The following GRIA1 variants were observed in gnomAD, a reference collection of about 807,000 sequenced individuals.
The protein encoded by GRIA1 is glutamate ionotropic receptor AMPA type subunit 1, also known as glutamate receptor 1.
GRIA1 carries 31 observed loss-of-function variants against 99.2 expected under a neutral mutation model. The observed-to-expected ratio is 0.31, with a 90% CI of 0.23 to 0.42. The LOEUF is 0.42. Among genes scored for constraint, GRIA1 ranks in the 10% least tolerant of loss-of-function variants. The pLI, the probability that GRIA1 is intolerant of heterozygous loss-of-function variation, is 1.00. For synonymous variants in GRIA1, 438 were observed against 432.4 expected (o/e 1.01, Z -0.16); for missense variants, 782 against 1,157.5 (o/e 0.68, Z 4.71).
intron 2 of GRIA1, among the ~76,000 whole-genome samples, chr5:153,566,066 G>A (rs935557636): frequency 2.0e-5 from 3 of 151,950 alleles, no homozygotes; most frequent in Non-Finnish European, 2.9e-5. Context: ...TTTCCAAAGT[G>A]ATTGCACCAG....
chr5:153,737,251 G>A (rs1165520927), intron 11 of GRIA1, among the ~76,000 whole-genome samples: 11 of 135,436 alleles, frequency 8.1e-5, no homozygotes, highest in Non-Finnish European at 1.5e-4. Context: ...AACAATTAAG[G>A]ATACTCCATT....
chr5:153,704,818 A>G (rs1179728286), intron 10 of GRIA1, among the ~76,000 whole-genome samples: 4 of 152,154 alleles, frequency 2.6e-5, no homozygotes, highest in African/African-American at 7.2e-5. Flanking sequence ...AGAACTCTGT[A>G]TATCTTGGAT....
intron 2 of GRIA1, among the ~76,000 whole-genome samples, chr5:153,594,667 T>C (rs917858023): frequency 6.6e-6 from 1 of 152,130 alleles, no homozygotes; most frequent in Non-Finnish European, 1.5e-5. Flanking sequence ...TCTGCTCTTA[T>C]AAGTACCACA....
intron 7 of GRIA1, among the ~76,000 whole-genome samples, chr5:153,682,204 C>G (rs1353115461): frequency 6.6e-6 from 1 of 152,082 alleles, no homozygotes; most frequent in South Asian, 2.1e-4. Flanking sequence ...CCAGCAAGGA[C>G]CTAGTCTACA....
intron 1 of GRIA1, among the ~76,000 whole-genome samples, chr5:153,492,926 C>A (rs1351500081): frequency 2.0e-5 from 3 of 152,170 alleles, no homozygotes; most frequent in Non-Finnish European, 4.4e-5. Flanking sequence ...AAAACAGACA[C>A]CCACTCTACA....
At chr5:153,672,472 C>CA (rs1194014290) in intron 5 of GRIA1, among the ~76,000 whole-genome samples, 2 of 151,918 alleles carry the variant, frequency 1.3e-5, no homozygotes, top group Non-Finnish European at 2.9e-5. Flanking sequence ...AGCTGAGATC[C>CA]AAAAAATGGA....
At chr5:153,668,758 A>G (rs994988824) in intron 5 of GRIA1, among the ~76,000 whole-genome samples, 3 of 152,230 alleles carry the variant, frequency 2.0e-5, no homozygotes, top group East Asian at 3.8e-4. Context: ...GGTTAGTGTC[A>G]AGGAGAGGAA....
At chr5:153,539,907 C>G (rs994385894) in intron 2 of GRIA1, among the ~76,000 whole-genome samples, 1 of 152,190 alleles carries the variant, frequency 6.6e-6, no homozygotes, top group Non-Finnish European at 1.5e-5. Flanking sequence ...TGTAAGCTTG[C>G]GCTCAGCTAA....
At chr5:153,491,586 C>T (rs1753922408) in intron 1 of GRIA1, among the ~76,000 whole-genome samples, 1 of 152,070 alleles carries the variant, frequency 6.6e-6, no homozygotes, top group South Asian at 2.1e-4. Flanking sequence ...TGCCATGCTG[C>T]GCTGGTGGTC....
intron 2 of GRIA1, among the ~76,000 whole-genome samples, chr5:153,605,120 G>A (rs1378774625): frequency 6.6e-6 from 1 of 151,790 alleles, no homozygotes; most frequent in African/African-American, 2.4e-5. Flanking sequence ...CCAGGATGTG[G>A]AGGTTGCAGT....
chr5:153,620,517 GA>G (rs934672971), intron 2 of GRIA1, among the ~76,000 whole-genome samples: 2 of 152,106 alleles, frequency 1.3e-5, no homozygotes, highest in African/African-American at 4.8e-5. Flanking sequence ...CTGAGAGAAA[GA>G]AAACTTTATC....
At chr5:153,526,326 G>T (rs889974397) in intron 2 of GRIA1, among the ~76,000 whole-genome samples, 11 of 152,154 alleles carry the variant, frequency 7.2e-5, no homozygotes, top group Admixed American at 5.9e-4. Context: ...ATTTATAACT[G>T]CAGCATATCA....
intron 2 of GRIA1, among the ~76,000 whole-genome samples, chr5:153,576,317 A>G (rs12520732): frequency 0.14 from 21,488 of 152,148 alleles, 1,705 homozygotes; most frequent in South Asian, 0.3. Context: ...CTTCCTTGGG[A>G]AGGTTGGAAA....
chr5:153,717,666 C>G (rs911079732), intron 11 of GRIA1, among the ~76,000 whole-genome samples: 2 of 152,148 alleles, frequency 1.3e-5, no homozygotes, highest in Non-Finnish European at 2.9e-5. Context: ...AATGTTGGAC[C>G]ACTTCTTCAG....
At chr5:153,496,486 A>G (rs1296903433) in intron 2 of GRIA1, among the ~76,000 whole-genome samples, 1 of 152,238 alleles carries the variant, frequency 6.6e-6, no homozygotes, top group Admixed American at 6.5e-5. Flanking sequence ...TTATCTGAGA[A>G]GCAATAATCT....
intron 1 of GRIA1, chr5:153,491,270 G>A (rs1753889623): frequency 7.5e-7 from 1 of 1,326,726 alleles, no homozygotes; most frequent in African/African-American, 1.5e-5. Context: ...GCTGGAAAGG[G>A]TGGTGGGTGT....
Position 153,798,047 on chromosome 5 carries a change from G to C in GRIA1, c.2385+3312G>C, listed in dbSNP as rs142403727. On this transcript the variant is annotated intron_variant, in intron 14 of 15. Transcript: ENST00000285900. ...GGGGACAAGTGTCAAAGGTCATTTG[G>C]TCCAGTTCTGTGTTCAGTGCTTGAA... Among the ~76,000 whole-genome samples the C allele has an allele frequency of 1.1e-3, 169 of 152,308 alleles. 1 individual carries two copies. Among genetic ancestry groups the C allele is most frequent in the African/African-American group, 4.0e-3 (165 of 41,560 alleles).
intron 12 of GRIA1, among the ~76,000 whole-genome samples, chr5:153,766,722 T>C (rs1013312331): frequency 6.6e-6 from 1 of 152,162 alleles, no homozygotes. Flanking sequence ...GCTGGGCTTG[T>C]GGACACATCT....
At chr5:153,659,568 A>G (rs1755207209) in intron 5 of GRIA1, among the ~76,000 whole-genome samples, 2 of 152,210 alleles carry the variant, frequency 1.3e-5, no homozygotes, top group South Asian at 4.1e-4. Flanking sequence ...ACTCACCAGA[A>G]GCAAATCTTA....
Sources: gnomAD v4.1 joint callset for allele counts (sites outside exome capture counted in the v4.1 genomes callset) on GRCh38, gnomAD v4.1.1 for gene constraint, MANE v1.5 for transcripts, NCBI Gene and HGNC (gene_info 2026-07-23, HGNC 2026-07-21) for gene names.